Variants in DACH2 observed in about 807,000 individuals in gnomAD.
DACH2 encodes dachshund homolog 2.
A neutral mutation model predicts 35.8 loss-of-function variants in DACH2; 17 were observed. That is an observed-to-expected ratio of 0.48 (90% CI 0.33 to 0.71). The LOEUF is 0.71. Ranked by LOEUF, DACH2 falls within the 30% of genes least tolerant of loss-of-function variation. The pLI, the probability that DACH2 is intolerant of heterozygous loss-of-function variation, is 0.02. For missense variants in DACH2, 469 were observed against 472.7 expected (o/e 0.99, Z 0.07); for synonymous variants, 195 against 177.3 (o/e 1.10, Z -0.79).
At chrX:86,489,562 T>G (rs1419437615) in intron 2 of DACH2, among the ~76,000 whole-genome samples, 2 of 111,462 alleles carry the variant, frequency 1.8e-5, no homozygotes, top group Non-Finnish European at 3.8e-5. Flanking sequence ...AATGCGTATG[T>G]TAATTAGCTT....
chrX:86,490,921 G>T (rs2038084742), intron 2 of DACH2, among the ~76,000 whole-genome samples: 1 of 111,011 alleles, frequency 9.0e-6, no homozygotes, highest in South Asian at 3.8e-4. Context: ...GACTTTTTGG[G>T]TAGAGAGTTA....
chrX:86,385,232 A>G (rs1051305095), intron 2 of DACH2, among the ~76,000 whole-genome samples: 2 of 111,532 alleles, frequency 1.8e-5, no homozygotes, highest in Non-Finnish European at 3.8e-5. Context: ...TGTTTCTAAC[A>G]TATTAGGTAT....
intron 1 of DACH2, among the ~76,000 whole-genome samples, chrX:86,289,047 T>C (rs901663061): frequency 1.8e-5 from 2 of 110,309 alleles, no homozygotes; most frequent in Non-Finnish European, 3.8e-5. Context: ...ATGTAGTATC[T>C]GGGTATCACT....
chrX:86,193,154 A>G (rs1487844863), intron 1 of DACH2, among the ~76,000 whole-genome samples: 2 of 111,836 alleles, frequency 1.8e-5, no homozygotes, highest in Admixed American at 1.9e-4. Context: ...GACATGTTGA[A>G]TTAGAGAAAG....
intron 3 of DACH2, among the ~76,000 whole-genome samples, chrX:86,629,501 G>A (rs1425606182): frequency 1.8e-5 from 2 of 111,259 alleles, no homozygotes; most frequent in Non-Finnish European, 3.8e-5. Flanking sequence ...TCTTAAACAA[G>A]AAGATTGTCT....
chrX:86,161,683 G>A (rs2030762848), intron 1 of DACH2, among the ~76,000 whole-genome samples: 1 of 111,925 alleles, frequency 8.9e-6, no homozygotes, highest in African/African-American at 3.2e-5. Flanking sequence ...TTTTCATGAT[G>A]GGCACATATA....
chrX:86,334,170 G>A (rs2035261385), intron 1 of DACH2, among the ~76,000 whole-genome samples: 1 of 112,048 alleles, frequency 8.9e-6, no homozygotes. Flanking sequence ...GGGCATTTGG[G>A]TTGGTTCCAA....
At chrX:86,598,951 C>T (rs753312327) in intron 3 of DACH2, among the ~76,000 whole-genome samples, 61 of 110,137 alleles carry the variant, frequency 5.5e-4, no homozygotes, top group African/African-American at 1.9e-3. Context: ...TATCCCTCGC[C>T]CCTCCCGCCA....
At chrX:86,383,801 T>C (rs2036083765) in intron 2 of DACH2, among the ~76,000 whole-genome samples, 1 of 108,248 alleles carries the variant, frequency 9.2e-6, no homozygotes, top group Admixed American at 1.0e-4. Flanking sequence ...TGGAGTGACA[T>C]TATAGTCAAG....
chrX:86,693,375 G>C (rs1329723480), intron 4 of DACH2, among the ~76,000 whole-genome samples: 1 of 111,804 alleles, frequency 8.9e-6, no homozygotes, highest in African/African-American at 3.2e-5. Flanking sequence ...TACTGTGCTA[G>C]AATCCAGTGT....
intron 7 of DACH2, among the ~76,000 whole-genome samples, chrX:86,810,623 A>G (rs2042385980): frequency 8.9e-6 from 1 of 111,816 alleles, no homozygotes. Context: ...AAAAAATACT[A>G]CTTAAATGTA....
At chrX:86,530,508 T>A (rs2038703861) in intron 3 of DACH2, among the ~76,000 whole-genome samples, 1 of 111,721 alleles carries the variant, frequency 9.0e-6, no homozygotes, top group African/African-American at 3.3e-5. Flanking sequence ...TTTCTCTCTC[T>A]TTCTCTCCTG....
intron 2 of DACH2, among the ~76,000 whole-genome samples, chrX:86,414,654 C>A (rs1195321778): frequency 9.0e-6 from 1 of 111,559 alleles, no homozygotes; most frequent in African/African-American, 3.3e-5. Context: ...TCTACTCCAC[C>A]ATCCCAATCA....
chrX:86,422,777 T>G lies in DACH2; in HGVS notation c.527+45915T>G, dbSNP rs780838624. 2.7e-5 allele frequency among the ~76,000 whole-genome samples: 3 copies of G among 110,991 alleles called. No individual in the cohort carries two copies. The South Asian group carries it at 1.1e-3, about 42-fold the overall frequency. On this transcript the variant is annotated intron_variant, in intron 2 of 11. Coordinates refer to ENST00000373125, the MANE Select transcript of DACH2 (RefSeq NM_053281.3). Reference sequence around the variant, plus strand: ...ACTAGGTCTTATTCATTTATTCTATTTTTTGCATCCATTAACCATCCCCAC... The same window carrying G: ...ACTAGGTCTTATTCATTTATTCTATGTTTTGCATCCATTAACCATCCCCAC...
In DACH2 at chrX:86,536,855, G is replaced by T. The variant is rs771987920; in HGVS notation, c.640+22464G>T. On this transcript the variant is annotated intron_variant, in intron 3 of 11. Coordinates refer to ENST00000373125, the MANE Select transcript of DACH2 (RefSeq NM_053281.3). ...GACAGAGGCCATTGTCCTTAATCTTGGCAAAAGAAACCTCTAAACAAATTT... is the reference window on the plus strand; with the variant it reads ...GACAGAGGCCATTGTCCTTAATCTTTGCAAAAGAAACCTCTAAACAAATTT... Among the ~76,000 whole-genome samples the T allele has an allele frequency of 1.7e-3, 188 of 111,662 alleles. 1 individual carries two copies. The Middle Eastern group carries it at 0.018, about 11-fold the overall frequency.
intron 3 of DACH2, among the ~76,000 whole-genome samples, chrX:86,642,892 A>C (rs1381251302): frequency 1.8e-5 from 2 of 112,030 alleles, no homozygotes; most frequent in African/African-American, 6.5e-5. Flanking sequence ...GAAATCAATA[A>C]GTTCTTTAAA....
chrX:86,292,601 G>T (rs375880608), intron 1 of DACH2, among the ~76,000 whole-genome samples: 1 of 110,315 alleles, frequency 9.1e-6, no homozygotes, highest in Non-Finnish European at 1.9e-5. Flanking sequence ...CTTTGAATGC[G>T]TCCCAGAGAT....
intron 7 of DACH2, among the ~76,000 whole-genome samples, chrX:86,792,249 TA>T (rs1211840423): frequency 8.9e-6 from 1 of 111,892 alleles, no homozygotes; most frequent in African/African-American, 3.2e-5. Context: ...TTTATTGATA[TA>T]TAATATTTGT....
At chrX:86,398,081 A>G (rs1343624272) in intron 2 of DACH2, among the ~76,000 whole-genome samples, 4 of 112,069 alleles carry the variant, frequency 3.6e-5, no homozygotes, top group Non-Finnish European at 7.5e-5. Flanking sequence ...TTATTGGTCT[A>G]TTCAGAGATT....
Sources: allele counts gnomAD v4.1 joint callset (sites outside exome capture counted in the v4.1 genomes callset), GRCh38; gene constraint gnomAD v4.1.1; transcripts MANE v1.5; gene names NCBI Gene and HGNC (gene_info 2026-07-23, HGNC 2026-07-21).